Variants in TDRD3 observed in about 807,000 individuals in gnomAD.
TDRD3 encodes the protein tudor domain containing 3.
TDRD3 carries 45 observed loss-of-function variants against 86.7 expected under a neutral mutation model. That is an observed-to-expected ratio of 0.52 (90% CI 0.41 to 0.67). The LOEUF (loss-of-function observed/expected upper bound fraction) is 0.67, where lower values mean the gene tolerates loss of function less well. Ranked by LOEUF, TDRD3 falls within the 30% of genes least tolerant of loss-of-function variation. TDRD3 has a pLI of 0.00. For synonymous variants in TDRD3, 298 were observed against 301.7 expected (o/e 0.99, Z 0.13); for missense variants, 814 against 889.0 (o/e 0.92, Z 1.07).
rs568490583 is a variant in TDRD3, at chr13:60,540,066, A to G, written c.2118+4833A>G. Among the ~76,000 whole-genome samples, 67 of 152,294 alleles carry G rather than the reference A, an allele frequency of 4.4e-4. 1 individual carries two copies. In the South Asian group the frequency reaches 0.011, roughly 24 times the overall value. ...ACAAGCACCTATGTGACCCTAGTCCAGAAGATTTTTCATTTTTACTGATAA... is the reference window on the plus strand; with the variant it reads ...ACAAGCACCTATGTGACCCTAGTCCGGAAGATTTTTCATTTTTACTGATAA... On this transcript the variant is annotated intron_variant, in intron 12 of 13. Transcript: ENST00000377881.
intron 3 of TDRD3, among the ~76,000 whole-genome samples, chr13:60,444,979 A>G (rs1955367042): frequency 6.6e-6 from 1 of 151,898 alleles, no homozygotes; most frequent in Non-Finnish European, 1.5e-5. Flanking sequence ...AGAATTTGTA[A>G]CTATGGCATG....
At position 60,550,548 on chromosome 13, in the gene TDRD3, T is replaced by A. The variant is rs541289749; in HGVS notation, c.2118+15315T>A. Among the ~76,000 whole-genome samples the A allele has an allele frequency of 1.2e-4, 18 of 152,232 alleles. 1 individual carries two copies. The South Asian group carries it at 3.5e-3, about 30-fold the overall frequency. Reference sequence around the variant, plus strand: ...ATTTGATAAACTGGTAGGATTTGTCTTAGTAAATAGATTGCCTCTGGGTTC... The same window carrying A: ...ATTTGATAAACTGGTAGGATTTGTCATAGTAAATAGATTGCCTCTGGGTTC... On this transcript the variant is annotated intron_variant, in intron 12 of 13. Coordinates refer to ENST00000377881, the MANE Select transcript of TDRD3 (RefSeq NM_001146070.2).
intron 8 of TDRD3, 108 bp downstream of exon 8, chr13:60,494,683 G>T: frequency 2.1e-6 from 2 of 945,016 alleles, no homozygotes; most frequent in Non-Finnish European, 3.0e-6. Context: ...ATGGATAGAT[G>T]TTATAACTCT....
chr13:60,471,173 T>A (rs1254945360), intron 5 of TDRD3, among the ~76,000 whole-genome samples: 1 of 152,214 alleles, frequency 6.6e-6, no homozygotes, highest in African/African-American at 2.4e-5. Flanking sequence ...AGAGTTTTTA[T>A]AGGTTTAGCT....
At chr13:60,562,750 C>T (rs1958364581) in intron 12 of TDRD3, among the ~76,000 whole-genome samples, 1 of 152,058 alleles carries the variant, frequency 6.6e-6, no homozygotes, top group African/African-American at 2.4e-5. Flanking sequence ...ACAAATGATT[C>T]AATTTTATTA....
At chr13:60,529,622 A>G (rs1349071988) in intron 11 of TDRD3, among the ~76,000 whole-genome samples, 1 of 152,142 alleles carries the variant, frequency 6.6e-6, no homozygotes, top group Non-Finnish European at 1.5e-5. Context: ...TTTCAGTTGA[A>G]GAAAATAGTA....
At chr13:60,401,466 C>G (rs1457975649) in intron 1 of TDRD3, among the ~76,000 whole-genome samples, 1 of 152,114 alleles carries the variant, frequency 6.6e-6, no homozygotes, top group Non-Finnish European at 1.5e-5. Context: ...GGCCCTGGGA[C>G]CAATCCCTTA....
intron 12 of TDRD3, among the ~76,000 whole-genome samples, chr13:60,542,015 C>G (rs530918691): frequency 6.6e-6 from 1 of 152,174 alleles, no homozygotes; most frequent in Admixed American, 6.5e-5. Flanking sequence ...TCGTGAGCCA[C>G]CGCACCTGGC....
chr13:60,496,694 G>A (rs559771680), intron 8 of TDRD3, among the ~76,000 whole-genome samples: 1 of 152,232 alleles, frequency 6.6e-6, no homozygotes, highest in Non-Finnish European at 1.5e-5. Context: ...TTGCTTCTAA[G>A]TTTGGTGGAC....
At chr13:60,502,540 G>A (rs1344784190) in intron 8 of TDRD3, among the ~76,000 whole-genome samples, 2 of 152,052 alleles carry the variant, frequency 1.3e-5, no homozygotes, top group African/African-American at 4.8e-5. Context: ...AGGCCTTTTG[G>A]ATTGTCTTTG....
At chr13:60,571,379 T>G (rs1188115392) in intron 13 of TDRD3, among the ~76,000 whole-genome samples, 2 of 152,306 alleles carry the variant, frequency 1.3e-5, no homozygotes, top group Non-Finnish European at 2.9e-5. Flanking sequence ...TGGTTTGTAT[T>G]AACTTAAACA....
In TDRD3 at chr13:60,564,165, CT is replaced by C. The variant is rs1277048617; in HGVS notation, c.2119-3353del. On this transcript the variant is annotated intron_variant, in intron 12 of 13. Coordinates refer to ENST00000377881, the MANE Select transcript of TDRD3 (RefSeq NM_001146070.2). ...TAACATGGGTGAGGTAAGCAAAAGT[CT>C]TTTTTTAATATTTGAAGAGATTTAT... 2.0e-5 allele frequency among the ~76,000 whole-genome samples: 3 copies of C among 152,092 alleles called. No individual in the cohort carries two copies. The East Asian group carries it at 5.8e-4, about 29-fold the overall frequency.
At chr13:60,505,294 T>C (rs1956911917) in intron 8 of TDRD3, among the ~76,000 whole-genome samples, 1 of 152,172 alleles carries the variant, frequency 6.6e-6, no homozygotes, top group African/African-American at 2.4e-5. Flanking sequence ...GTAGGCAGTT[T>C]TCCCCTCACA....
In TDRD3 at chr13:60,557,820, A is replaced by ATTTTTTTTTTTT. The variant is rs749028045; in HGVS notation, c.2119-9694_2119-9683dup. 3.7e-4 allele frequency among the ~76,000 whole-genome samples: 33 copies of ATTTTTTTTTTTT among 88,282 alleles called. 2 individuals are homozygous for ATTTTTTTTTTTT. Among genetic ancestry groups the ATTTTTTTTTTTT allele is most frequent in the South Asian group, 5.2e-4 (1 of 1,932 alleles). 57.9% of individuals were successfully genotyped at this position (88,282 alleles called of 152,430 possible). A position where few individuals can be genotyped will look rare whatever the true frequency, so the allele number is the denominator to read the frequency against. Reference sequence around the variant, plus strand: ...GGCATAAAGGATTTTTTTTTTCCTGATTTTTTTTTTTTTTTTTTTTTTGAG... The same window carrying ATTTTTTTTTTTT: ...GGCATAAAGGATTTTTTTTTTCCTGATTTTTTTTTTTTTTTTTTTTTTTTTTTTTTTTTTGAG... On this transcript the variant is annotated intron_variant, in intron 12 of 13. Coordinates refer to ENST00000377881, the MANE Select transcript of TDRD3 (RefSeq NM_001146070.2).
At chr13:60,456,416 T>A (rs1378105223) in intron 3 of TDRD3, among the ~76,000 whole-genome samples, 1 of 152,184 alleles carries the variant, frequency 6.6e-6, no homozygotes, top group African/African-American at 2.4e-5. Context: ...TTCTAGCAGA[T>A]ACTTAATATT....
intron 1 of TDRD3, among the ~76,000 whole-genome samples, chr13:60,431,879 T>C (rs1954962651): frequency 6.6e-6 from 1 of 151,964 alleles, no homozygotes; most frequent in South Asian, 2.1e-4. Context: ...TGCTGGTACT[T>C]AGAAGTACTT....
chr13:60,534,927 C>CAAAAA, intron 11 of TDRD3, among the ~76,000 whole-genome samples, 181 bp from the exon 12 acceptor site: 1 of 54,724 alleles, frequency 1.8e-5, no homozygotes, highest in Non-Finnish European at 3.7e-5. Context: ...GACCCTGTCT[C>CAAAAA]AAAAAAAAAA....
intron 1 of TDRD3, among the ~76,000 whole-genome samples, chr13:60,433,806 G>C (rs1426200254): frequency 6.6e-6 from 1 of 152,182 alleles, no homozygotes; most frequent in East Asian, 1.9e-4. Flanking sequence ...CTGATGTGTA[G>C]TTTGCCTTGC....
chr13:60,448,082 A>G (rs921447950), intron 3 of TDRD3, among the ~76,000 whole-genome samples: 3 of 152,176 alleles, frequency 2.0e-5, no homozygotes, highest in Non-Finnish European at 2.9e-5. Context: ...GAAAGCCCAA[A>G]GTAAATGATC....
Sources: allele counts gnomAD v4.1 joint callset (sites outside exome capture counted in the v4.1 genomes callset), GRCh38; gene constraint gnomAD v4.1.1; transcripts MANE v1.5; gene names NCBI Gene and HGNC (gene_info 2026-07-23, HGNC 2026-07-21).